Variants in HSPBAP1 observed in about 807,000 individuals in gnomAD.
HSPBAP1 encodes the protein HSPB1 associated protein 1, also known as HSPB1-associated protein 1.
In HSPBAP1, 27 loss-of-function variants were observed where a neutral mutation model predicts 45.2. The ratio of observed to expected loss-of-function variants is 0.60; its 90% CI spans 0.44 to 0.82. The LOEUF is 0.82. Among genes scored for constraint, HSPBAP1 ranks in the 40% least tolerant of loss-of-function variants. The pLI is 0.00. For synonymous variants in HSPBAP1, 204 were observed against 202.7 expected, an observed-to-expected ratio of 1.01 and a Z score of -0.06; for missense variants, 510 against 590.9, an observed-to-expected ratio of 0.86 and a Z score of 1.42.
In HSPBAP1 at chr3:122,777,861, A is replaced by G. The variant is rs1208738243; in HGVS notation, c.110T>C (p.Ile37Thr). ...GATTGCAGGTTGTTGTAAAGACATG[A>G]TAATTTCTTTTGCTTTCTCTGGCTT... ...PFKPEKAKEI[I>T]MSLQQPAIFC... The change falls in exon 2 of 8, where the codon ATC (isoleucine) becomes ACC (threonine). Residue 37 changes from isoleucine (I) to threonine (T), a missense_variant. By Grantham distance (89) the Ile-to-Thr change is moderately conservative. Transcript: ENST00000306103. The G allele has an allele frequency of 2.5e-6, 4 of 1,613,788 alleles. No homozygotes were observed. The highest frequency in any genetic ancestry group is 4.5e-5 in the East Asian group (2 of 44,864).
intron 6 of HSPBAP1, among the ~76,000 whole-genome samples, chr3:122,746,301 T>G (rs994599203): frequency 6.6e-6 from 1 of 150,954 alleles, no homozygotes; most frequent in Non-Finnish European, 1.5e-5. Flanking sequence ...CAAAAGGTTT[T>G]TTTTTTTTTT....
chr3:122,749,856 C>T (rs920571061), intron 6 of HSPBAP1, among the ~76,000 whole-genome samples: 2 of 151,874 alleles, frequency 1.3e-5, no homozygotes, highest in East Asian at 3.9e-4. Flanking sequence ...GTGATCTGCC[C>T]GCCTCGGCCT....
intron 6 of HSPBAP1, among the ~76,000 whole-genome samples, chr3:122,743,138 T>G (rs1933725798): frequency 6.6e-6 from 1 of 152,244 alleles, no homozygotes; most frequent in African/African-American, 2.4e-5. Flanking sequence ...CATCAGTATT[T>G]CATTCCTTGT....
At chr3:122,765,845 T>TC (rs1463125396) in intron 3 of HSPBAP1, among the ~76,000 whole-genome samples, 2 of 152,194 alleles carry the variant, frequency 1.3e-5, no homozygotes, top group Non-Finnish European at 2.9e-5. Flanking sequence ...AGTAGAGAGT[T>TC]CATTCATTAT....
In HSPBAP1 at chr3:122,793,791, G is replaced by A; in HGVS notation, c.-111C>T. 1 of 913,266 alleles carries A rather than the reference G, an allele frequency of 1.1e-6. No homozygotes were observed. Among genetic ancestry groups the A allele is most frequent in the South Asian group, 1.5e-5 (1 of 66,958 alleles). The allele number at this position is 913,266 out of a possible 1,614,324, so 56.6% of individuals were successfully genotyped here. ...AAGCTGCACCACAGGAAGGAGCCCCGGCGACTCCCGCCCGGCTCCTACGGA... is the reference window on the plus strand; with the variant it reads ...AAGCTGCACCACAGGAAGGAGCCCCAGCGACTCCCGCCCGGCTCCTACGGA... On this transcript the variant is annotated 5_prime_UTR_variant, in exon 1 of 8. Transcript: ENST00000306103.
At chr3:122,793,120 G>A (rs974617401) in intron 1 of HSPBAP1, among the ~76,000 whole-genome samples, 1 of 152,150 alleles carries the variant, frequency 6.6e-6, no homozygotes, top group Non-Finnish European at 1.5e-5. Context: ...TCAGAACACA[G>A]CCCTGCACGG....
At chr3:122,754,941 T>C (rs896383488) in intron 5 of HSPBAP1, 25 of 1,040,170 alleles carry the variant, frequency 2.4e-5, no homozygotes, top group Non-Finnish European at 2.9e-5. Context: ...GATGCTCGAG[T>C]ACCCATGCCT....
chr3:122,753,471 G>C (rs1934233624), intron 5 of HSPBAP1: 1 of 981,430 alleles, frequency 1.0e-6, no homozygotes. Context: ...GGTATCGAGA[G>C]AGTCTGAGAA....
chr3:122,752,159 G>A lies in HSPBAP1; in HGVS notation c.825+432C>T, dbSNP rs139902802. Among the ~76,000 whole-genome samples, 575 of 152,240 alleles carry A rather than the reference G, an allele frequency of 3.8e-3. 3 individuals carry two copies. The highest frequency in any genetic ancestry group is 5.5e-3 in the Non-Finnish European group (372 of 68,006). ...AACCTAGCACTGAAAGAAAGACTCC[G>A]CTTTGAGAATATGTAGAAGCCAAGA... On this transcript the variant is annotated intron_variant, in intron 6 of 7. Transcript: ENST00000306103.
At chr3:122,774,965 A>G (rs962943862) in intron 2 of HSPBAP1, among the ~76,000 whole-genome samples, 15 of 152,232 alleles carry the variant, frequency 9.9e-5, no homozygotes, top group African/African-American at 3.6e-4. Flanking sequence ...ATCTGTTTGC[A>G]AAGATGTTCA....
At chr3:122,775,137 G>C (rs1316478815) in intron 2 of HSPBAP1, among the ~76,000 whole-genome samples, 2 of 151,602 alleles carry the variant, frequency 1.3e-5, no homozygotes, top group Non-Finnish European at 2.9e-5. Flanking sequence ...AAAGCAAGCT[G>C]TGAAAATTAA....
chr3:122,787,520 T>C (rs1209610690), intron 1 of HSPBAP1, among the ~76,000 whole-genome samples: 2 of 152,110 alleles, frequency 1.3e-5, no homozygotes, highest in African/African-American at 4.8e-5. Context: ...AATGAAAAAA[T>C]TAAAGATTTT....
chr3:122,785,760 C>T (rs1935632184), intron 1 of HSPBAP1, among the ~76,000 whole-genome samples: 1 of 152,110 alleles, frequency 6.6e-6, no homozygotes, highest in Non-Finnish European at 1.5e-5. Context: ...TTCTCTTCTT[C>T]CTTACTAAAG....
chr3:122,753,159 A>C lies in HSPBAP1; in HGVS notation c.742-485T>G, dbSNP rs533717546. 4.0e-5 allele frequency: 11 copies of C among 276,852 alleles called. No individual in the cohort carries two copies. The South Asian group carries it at 1.4e-3, about 36-fold the overall frequency. The allele number at this position is 276,852 out of a possible 1,614,324, so 17.1% of individuals were successfully genotyped here. ...TGTTTCAGAATTTCAGAGGTGGGTG[A>C]AACAGGCATGAACTAGGGAGGTCAG... On this transcript the variant is annotated intron_variant, in intron 5 of 7. Coordinates refer to ENST00000306103, the MANE Select transcript of HSPBAP1 (RefSeq NM_024610.6).
rs546363656 is a variant in HSPBAP1, at chr3:122,792,923, C to A, written c.64+694G>T. ...AAGAAAAAGAAAGGCCGACCTCAAA[C>A]TATTCGCTCCTTGAAGCATTTATGT... is the stretch of plus-strand genomic sequence containing the variant. On this transcript the variant is annotated intron_variant, in intron 1 of 7. Transcript: ENST00000306103. 6.6e-5 allele frequency among the ~76,000 whole-genome samples: 10 copies of A among 151,782 alleles called. No individual in the cohort carries two copies. The East Asian group carries it at 1.9e-3, about 29-fold the overall frequency.
intron 3 of HSPBAP1, 25 bp downstream of exon 3, chr3:122,768,676 G>A (rs1934873580): frequency 2.0e-6 from 3 of 1,516,318 alleles, no homozygotes; most frequent in Non-Finnish European, 2.7e-6. Flanking sequence ...TTCCTACCAA[G>A]ATTAGAAGGA....
intron 1 of HSPBAP1, among the ~76,000 whole-genome samples, chr3:122,791,567 TAC>T (rs1226478691): frequency 3.3e-5 from 5 of 152,200 alleles, no homozygotes; most frequent in Non-Finnish European, 7.3e-5. Flanking sequence ...AATAAATAAT[TAC>T]AGATTGTAGT....
At chr3:122,753,704 A>G in intron 5 of HSPBAP1, 1 of 974,444 alleles carries the variant, frequency 1.0e-6, no homozygotes, top group South Asian at 4.7e-5. Context: ...ACTGGGAAAT[A>G]GAAAGAGAGA....
chr3:122,780,167 C>T (rs1341689744), intron 1 of HSPBAP1, among the ~76,000 whole-genome samples: 5 of 97,982 alleles, frequency 5.1e-5, no homozygotes, highest in Admixed American at 9.5e-5. Context: ...CTGGACGGGG[C>T]GGCTGGCCGG....
Sources: gnomAD v4.1 joint callset for allele counts (sites outside exome capture counted in the v4.1 genomes callset) on GRCh38, gnomAD v4.1.1 for gene constraint, MANE v1.5 for transcripts, NCBI Gene and HGNC (gene_info 2026-07-23, HGNC 2026-07-21) for gene names.